Variants in PSG6 observed in about 807,000 individuals in gnomAD.
PSG6 encodes the protein pregnancy specific beta-1-glycoprotein 6.
A neutral mutation model predicts 43.3 loss-of-function variants in PSG6; 51 were observed. The ratio of observed to expected loss-of-function variants is 1.18; its 90% CI spans 0.94 to 1.49. The LOEUF is 1.49. Ranked by LOEUF, PSG6 falls within the 40% of genes most tolerant of loss-of-function variation. The pLI is 0.00. For synonymous variants in PSG6, 292 were observed against 197.6 expected (o/e 1.48, Z -4.01); for missense variants, 770 against 522.2 (o/e 1.47, Z -4.62).
chr19:42,916,106 A>T lies in PSG6; in HGVS notation c.427+19T>A, dbSNP rs764219415. On this transcript the variant is annotated intron_variant, in intron 2 of 5. Coordinates refer to ENST00000187910, the MANE Select transcript of PSG6 (RefSeq NM_001031850.4). ...GACCCCTGCCCCCCAACACCCAGGG[A>T]TCATGCGGAATCACTCACAGTATAA... 2 of 1,608,990 alleles carry T rather than the reference A, an allele frequency of 1.2e-6. No individual in the cohort carries two copies. Among genetic ancestry groups the T allele is most frequent in the Admixed American group, 3.3e-5 (2 of 59,820 alleles).
intron 5 of PSG6, chr19:42,906,635 T>G (rs1289830993): frequency 2.5e-5 from 35 of 1,381,520 alleles, no homozygotes; most frequent in Non-Finnish European, 2.7e-5. Flanking sequence ...TTGAGGACTC[T>G]CCTTCTTGTC....
intron 3 of PSG6, 163 bp from the exon 4 acceptor site, chr19:42,908,017 A>C: frequency 8.5e-7 from 1 of 1,182,424 alleles, no homozygotes; most frequent in South Asian, 1.5e-5. Context: ...CTAAGGGCTC[A>C]AAGACTGTGA....
At chr19:42,903,251 C>G (rs1014476975) in intron 5 of PSG6, among the ~76,000 whole-genome samples, 1 of 151,522 alleles carries the variant, frequency 6.6e-6, no homozygotes, top group African/African-American at 2.4e-5. Context: ...GAAGAAAGTA[C>G]TCTTATTGCA....
At chr19:42,904,854 G>C (rs1055695614) in intron 5 of PSG6, among the ~76,000 whole-genome samples, 1 of 151,656 alleles carries the variant, frequency 6.6e-6, no homozygotes, top group Non-Finnish European at 1.5e-5. Flanking sequence ...GAAGAATGAA[G>C]CTGGAGGACT....
intron 2 of PSG6, among the ~76,000 whole-genome samples, chr19:42,911,925 G>C (rs763399644): frequency 6.6e-6 from 1 of 151,488 alleles, no homozygotes; most frequent in Non-Finnish European, 1.5e-5. Context: ...GCGTTGTTCC[G>C]TGGGTGTGCG....
Position 42,907,757 on chromosome 19 carries a change from G to A in PSG6, c.804C>T (p.Tyr268=), listed in dbSNP as rs761420127. The A allele has an allele frequency of 6.2e-7, 1 of 1,610,874 alleles. No individual in the cohort carries two copies. Among genetic ancestry groups the A allele is most frequent in the East Asian group, 2.2e-5 (1 of 44,806 alleles). ...GACCATTTAGCCACCAAATGTAGGTGTAGTTCCGACTCTTAGGTTCACAGG... is the reference window on the plus strand; with the variant it reads ...GACCATTTAGCCACCAAATGTAGGTATAGTTCCGACTCTTAGGTTCACAGG... The part of the protein sequence containing the change: ...AFTCEPKSRN[Y]TYIWWLNGQS... The change falls in exon 4 of 6, where the codon TAC becomes TAT. Residue 268 remains tyrosine (Y), a synonymous_variant. Coordinates refer to ENST00000187910, the MANE Select transcript of PSG6 (RefSeq NM_001031850.4).
intron 4 of PSG6, 49 bp from the exon 5 acceptor site, chr19:42,907,225 G>A: frequency 6.3e-7 from 1 of 1,589,852 alleles, no homozygotes; most frequent in Non-Finnish European, 8.6e-7. Context: ...AAGGGAAGGG[G>A]ATGCTCCTGG....
intron 2 of PSG6, among the ~76,000 whole-genome samples, chr19:42,914,673 C>T (rs112211222): frequency 0.02 from 2,968 of 151,450 alleles, 150 homozygotes; most frequent in African/African-American, 0.068. Context: ...GTGGCTAGAA[C>T]CTCCTAGGAT....
rs376477211 is a variant in PSG6 at position 42,907,044 on chromosome 19, A to G, written c.1118T>C (p.Leu373Pro). The G allele has an allele frequency of 3.7e-6, 6 of 1,612,640 alleles. No individual in the cohort carries two copies. The South Asian group carries it at 4.4e-5, about 12-fold the overall frequency. The change falls in exon 5 of 6, where the codon CTA (leucine) becomes CCA (proline). Residue 373 changes from leucine to proline, a missense_variant. By Grantham distance (98) the Leu-to-Pro change is moderately conservative (BLOSUM62 -3). Transcript: ENST00000187910. ...YSWTINGKFQ[L>P]SGQKLFIPQI... ...GGGGATAAAGAGCTTTTGTCCTGAT[A>G]GCTGAAACTTCCCATTAATTGTCCA...
In PSG6 at chr19:42,910,530, C is replaced by T. The variant is rs748646209; in HGVS notation, c.706+50G>A. The T allele has an allele frequency of 4.9e-5, 79 of 1,612,324 alleles. 3 individuals carry two copies. In the African/African-American group the frequency reaches 5.3e-4, roughly 11 times the overall value. On this transcript the variant is annotated intron_variant, in intron 3 of 5. Transcript: ENST00000187910. ...GACTGAGAGGCCTGGCCTCTGGCCA[C>T]TTGTATTTGGGATGGCAGCCTGGCT...
intron 2 of PSG6, among the ~76,000 whole-genome samples, chr19:42,914,326 A>C (rs1471964723): frequency 6.6e-6 from 1 of 151,380 alleles, no homozygotes; most frequent in East Asian, 1.9e-4. Flanking sequence ...CAGAACAGCC[A>C]GCCTAGTTAG....
chr19:42,915,279 T>A (rs185271984), intron 2 of PSG6: 1 of 151,942 alleles, frequency 6.6e-6, no homozygotes, highest in African/African-American at 2.4e-5. Context: ...GAATAAATGT[T>A]AAAGTATTCA....
Position 42,902,458 on chromosome 19 carries a change from A to G in PSG6, c.1241-12T>C, listed in dbSNP as rs1301968904. On this transcript the variant is annotated splice_polypyrimidine_tract_variant and intron_variant, in intron 5 of 5. Coordinates refer to ENST00000187910, the MANE Select transcript of PSG6 (RefSeq NM_001031850.4). ...TCCATGGCAGGGACCTGATTGACAG[A>G]AGGCCCAGGTCAGCGCATTTCAAAT... The G allele has an allele frequency of 1.7e-5, 28 of 1,610,804 alleles. No homozygotes were observed. Among genetic ancestry groups the G allele is most frequent in the Non-Finnish European group, 2.3e-5 (27 of 1,178,168 alleles).
chr19:42,917,463 A>G (rs149847949), intron 1 of PSG6, among the ~76,000 whole-genome samples: 6 of 144,900 alleles, frequency 4.1e-5, no homozygotes, highest in African/African-American at 1.5e-4. Flanking sequence ...TCCTGGGTTC[A>G]TGTGATTATC....
chr19:42,914,288 C>A (rs1353885077), intron 2 of PSG6, among the ~76,000 whole-genome samples: 1 of 151,264 alleles, frequency 6.6e-6, no homozygotes, highest in Non-Finnish European at 1.5e-5. Context: ...GGGAGGTGGG[C>A]CAGGCCACAG....
chr19:42,908,565 C>T (rs939818648), intron 3 of PSG6, among the ~76,000 whole-genome samples: 1 of 151,692 alleles, frequency 6.6e-6, no homozygotes, highest in Non-Finnish European at 1.5e-5. Flanking sequence ...GGCTTTGGAG[C>T]AGAAGCATGT....
Position 42,917,882 on chromosome 19 carries a change from C to T in PSG6, c.-90G>A. ...AGGGCTGTCAGGTGTGCTGTCCTTC[C>T]TCCTTCTGTGCTGAGCCTCTTCCCA... On this transcript the variant is annotated 5_prime_UTR_variant, in exon 1 of 6. Coordinates refer to ENST00000187910, the MANE Select transcript of PSG6 (RefSeq NM_001031850.4). 3 of 1,507,170 alleles carry T rather than the reference C, an allele frequency of 2.0e-6. No homozygotes were observed. The highest frequency in any genetic ancestry group is 2.7e-6 in the Non-Finnish European group (3 of 1,109,252). The allele number at this position is 1,507,170 out of a possible 1,614,324, so 93.4% of individuals were successfully genotyped here. A position where few individuals can be genotyped will look rare whatever the true frequency, so the allele number is the denominator to read the frequency against.
At chr19:42,917,225 C>G (rs1160019531) in intron 1 of PSG6, among the ~76,000 whole-genome samples, 1 of 151,424 alleles carries the variant, frequency 6.6e-6, no homozygotes, top group African/African-American at 2.4e-5. Context: ...AAACAGAACA[C>G]TTAAGATTTT....
chr19:42,916,120 C>T lies in PSG6; in HGVS notation c.427+5G>A. On this transcript the variant is annotated splice_donor_5th_base_variant and intron_variant, in intron 2 of 5. Transcript: ENST00000187910. ...AACACCCAGGGATCATGCGGAATCA[C>T]TCACAGTATAAGGTGACAGTGAAAT... The T allele has an allele frequency of 6.2e-7, 1 of 1,610,306 alleles. No homozygotes were observed. The highest frequency in any genetic ancestry group is 1.7e-5 in the Admixed American group (1 of 59,872).
Sources: allele counts gnomAD v4.1 joint callset (sites outside exome capture counted in the v4.1 genomes callset), GRCh38; gene constraint gnomAD v4.1.1; transcripts MANE v1.5; gene names NCBI Gene and HGNC (gene_info 2026-07-23, HGNC 2026-07-21).